The following ITGA4 variants were observed in gnomAD, a reference collection of about 807,000 sequenced individuals.
ITGA4 encodes the protein integrin subunit alpha 4.
Under a neutral mutation model 133.6 loss-of-function variants are expected in ITGA4, and 63 were observed. The observed-to-expected ratio is 0.47, with a 90% CI of 0.38 to 0.58. The LOEUF is 0.58. ITGA4 is among the 20% of genes least tolerant of loss of function. The pLI is 0.00. For synonymous variants in ITGA4, 483 were observed against 438.0 expected, an observed-to-expected ratio of 1.10 and a Z score of -1.28; for missense variants, 1,076 against 1,252.7, an observed-to-expected ratio of 0.86 and a Z score of 2.13.
At chr2:181,531,217 G>A (rs560315713) in intron 24 of ITGA4, among the ~76,000 whole-genome samples, 43 of 152,172 alleles carry the variant, frequency 2.8e-4, no homozygotes, top group Non-Finnish European at 5.9e-4. Flanking sequence ...ACACCAAGAG[G>A]TTGTCTTCAC....
At chr2:181,518,765 A>G (rs1686661122) in intron 17 of ITGA4, among the ~76,000 whole-genome samples, 1 of 151,848 alleles carries the variant, frequency 6.6e-6, no homozygotes, top group African/African-American at 2.4e-5. Flanking sequence ...ACAGACCTCT[A>G]CTCTATGATA....
chr2:181,485,654 G>C (rs1031423770), intron 9 of ITGA4, among the ~76,000 whole-genome samples: 1 of 152,162 alleles, frequency 6.6e-6, no homozygotes, highest in African/African-American at 2.4e-5. Context: ...GAGATCATGA[G>C]TTTGACAATT....
intron 4 of ITGA4, among the ~76,000 whole-genome samples, chr2:181,477,697 A>C (rs1685707411): frequency 6.6e-6 from 1 of 152,158 alleles, no homozygotes. Context: ...AAGAGATAAC[A>C]AGTGTTGGCG....
chr2:181,497,233 C>T (rs1686174520), intron 14 of ITGA4, among the ~76,000 whole-genome samples: 1 of 152,174 alleles, frequency 6.6e-6, no homozygotes, highest in Non-Finnish European at 1.5e-5. Flanking sequence ...CTAACAATTC[C>T]ATTGTGACCA....
In ITGA4 at chr2:181,485,967, C is replaced by T. The variant is rs199782465; in HGVS notation, c.1128C>T (p.Gly376=). Residue 376 remains glycine, a synonymous_variant, in exon 10 of 28, where the codon GGC becomes GGT. Transcript: ENST00000397033. Reference sequence around the variant, plus strand: ...TTGGGGAATCTATAGTTAATCTTGGCGACATTGACAATGATGGCTTTGAAG... The same window carrying T: ...TTGGGGAATCTATAGTTAATCTTGGTGACATTGACAATGATGGCTTTGAAG... ...ARFGESIVNL[G]DIDNDGFEDV... is the part of the protein sequence containing the mutation. The T allele has an allele frequency of 1.1e-5, 17 of 1,594,866 alleles. No homozygotes were observed. Among genetic ancestry groups the T allele is most frequent in the African/African-American group, 2.7e-5 (2 of 73,698 alleles).
Position 181,493,329 on chromosome 2 carries a change from T to G in ITGA4, c.1158T>G (p.Val386=). The change falls in exon 11 of 28, where the codon GTT becomes GTG. Residue 386 remains valine, a synonymous_variant. Coordinates refer to ENST00000397033, the MANE Select transcript of ITGA4 (RefSeq NM_000885.6). ...GDIDNDGFED[V]AIGAPQEDDL... ...ATTGTTTAAATTATTGGATAGATGT[T>G]GCTATCGGAGCTCCACAAGAAGATG... is the stretch of plus-strand genomic sequence containing the variant. 1 of 1,599,906 alleles carries G rather than the reference T, an allele frequency of 6.3e-7. No individual in the cohort carries two copies. The highest frequency in any genetic ancestry group is 1.1e-5 in the South Asian group (1 of 89,050).
chr2:181,511,294 G>C (rs1384352408), intron 16 of ITGA4, among the ~76,000 whole-genome samples: 1 of 152,038 alleles, frequency 6.6e-6, no homozygotes, highest in East Asian at 1.9e-4. Context: ...TAAAATCACT[G>C]TCCCAACATC....
chr2:181,486,946 T>G (rs1297978905), intron 10 of ITGA4, among the ~76,000 whole-genome samples: 1 of 152,184 alleles, frequency 6.6e-6, no homozygotes, highest in African/African-American at 2.4e-5. Context: ...CCTTAATGTC[T>G]TCTTGTACCT....
At chr2:181,486,514 A>G (rs1045062684) in intron 10 of ITGA4, among the ~76,000 whole-genome samples, 6 of 152,176 alleles carry the variant, frequency 3.9e-5, no homozygotes, top group Admixed American at 6.5e-5. Context: ...GGATCTGGGG[A>G]ATTCAAGAAG....
At chr2:181,521,459 G>A (rs1686719192) in intron 17 of ITGA4, among the ~76,000 whole-genome samples, 1 of 152,162 alleles carries the variant, frequency 6.6e-6, no homozygotes, top group African/African-American at 2.4e-5. Flanking sequence ...GTATGGAATA[G>A]GATGACTGAG....
At chr2:181,476,915 A>G (rs1390596182) in intron 4 of ITGA4, among the ~76,000 whole-genome samples, 1 of 152,128 alleles carries the variant, frequency 6.6e-6, no homozygotes, top group Non-Finnish European at 1.5e-5. Context: ...GGAGCTAAAC[A>G]TTGAGTACAT....
chr2:181,469,809 A>T (rs910912713), intron 2 of ITGA4, among the ~76,000 whole-genome samples: 1 of 152,066 alleles, frequency 6.6e-6, no homozygotes, highest in Admixed American at 6.5e-5. Context: ...GTAAACTATC[A>T]CAAGAACAAA....
Position 181,458,328 on chromosome 2 carries a change from T to C in ITGA4, c.319+11T>C. Reference sequence around the variant, plus strand: ...AACAGCTCCAGCTGGGTGAGTTGGGTATGGGACCAGGAGTTAGTGACCTCC... The same window carrying C: ...AACAGCTCCAGCTGGGTGAGTTGGGCATGGGACCAGGAGTTAGTGACCTCC... On this transcript the variant is annotated intron_variant, in intron 2 of 27. Coordinates refer to ENST00000397033, the MANE Select transcript of ITGA4 (RefSeq NM_000885.6). The C allele has an allele frequency of 6.2e-7, 1 of 1,608,838 alleles. No homozygotes were observed. Among genetic ancestry groups the C allele is most frequent in the Middle Eastern group, 1.7e-4 (1 of 6,056 alleles).
chr2:181,482,725 A>T, intron 9 of ITGA4, 74 bp downstream of exon 9: 1 of 1,388,188 alleles, frequency 7.2e-7, no homozygotes, highest in South Asian at 1.2e-5. Flanking sequence ...TATTCCAGAG[A>T]TCTGAGATTG....
intron 1 of ITGA4, 60 bp downstream of exon 1, chr2:181,457,911 T>G (rs1166107374): frequency 1.4e-6 from 2 of 1,456,888 alleles, no homozygotes; most frequent in African/African-American, 1.4e-5. Flanking sequence ...AATGGCGCCC[T>G]AGGGATTCCC....
Position 181,510,699 on chromosome 2 carries a change from TTTTTC to T in ITGA4, c.1845+894_1845+898del, listed in dbSNP as rs1244366509. Among the ~76,000 whole-genome samples, 5 of 109,786 alleles carry T rather than the reference TTTTTC, an allele frequency of 4.6e-5. No individual in the cohort carries two copies. The East Asian group carries it at 1.4e-3, about 30-fold the overall frequency. The allele number at this position is 109,786 out of a possible 152,430, so 72.0% of individuals were successfully genotyped here. On this transcript the variant is annotated intron_variant, in intron 16 of 27. Coordinates refer to ENST00000397033, the MANE Select transcript of ITGA4 (RefSeq NM_000885.6). ...CAAATGAAGATAACTGAAGAGCAGA[TTTTTC>T]TCTACACCCTCATATGAAAATATTT...
intron 15 of ITGA4, among the ~76,000 whole-genome samples, chr2:181,499,590 G>T (rs2105748280): frequency 6.6e-6 from 1 of 152,220 alleles, no homozygotes; most frequent in East Asian, 1.9e-4. Flanking sequence ...CCAAGCAAAT[G>T]CAAGCAAGCA....
intron 4 of ITGA4, chr2:181,476,018 A>T: frequency 9.8e-7 from 1 of 1,017,270 alleles, no homozygotes; most frequent in Non-Finnish European, 1.3e-6. Context: ...ACGCAAAGAA[A>T]AATTTTATTG....
intron 2 of ITGA4, among the ~76,000 whole-genome samples, chr2:181,469,817 A>G (rs1451014851): frequency 6.6e-6 from 1 of 152,140 alleles, no homozygotes; most frequent in Non-Finnish European, 1.5e-5. Flanking sequence ...TCACAAGAAC[A>G]AAAAACCAAA....
Sources: gnomAD v4.1 joint callset for allele counts (sites outside exome capture counted in the v4.1 genomes callset) on GRCh38, gnomAD v4.1.1 for gene constraint, MANE v1.5 for transcripts, NCBI Gene and HGNC (gene_info 2026-07-23, HGNC 2026-07-21) for gene names.